Variants in IMMP2L observed in about 807,000 individuals in gnomAD.
The protein encoded by IMMP2L is mitochondrial inner membrane protease subunit 2.
IMMP2L carries 18 observed loss-of-function variants against 19.3 expected under a neutral mutation model. The observed-to-expected ratio is 0.93, with a 90% CI of 0.64 to 1.38. IMMP2L has a LOEUF of 1.38. Among genes scored for constraint, IMMP2L ranks in the 40% most tolerant of loss-of-function variants. The probability of loss-of-function intolerance (pLI) is 0.00; values close to 1 mark genes in which losing one functional copy is unlikely to be tolerated. For missense variants in IMMP2L, 233 were observed against 218.2 expected, an observed-to-expected ratio of 1.07 and a Z score of -0.43; for synonymous variants, 76 against 73.0, an observed-to-expected ratio of 1.04 and a Z score of -0.21.
At chr7:111,502,764 G>C (rs1199637600) in intron 2 of IMMP2L, among the ~76,000 whole-genome samples, 23 of 151,160 alleles carry the variant, frequency 1.5e-4, no homozygotes, top group Admixed American at 1.5e-3. Flanking sequence ...GATGTTCTTT[G>C]AAACCAACGA....
chr7:111,514,326 A>T (rs1027582507), intron 2 of IMMP2L, among the ~76,000 whole-genome samples: 13 of 151,998 alleles, frequency 8.6e-5, no homozygotes, highest in Non-Finnish European at 1.5e-5. Flanking sequence ...CAATGAGAAC[A>T]CTTGGACACA....
At chr7:111,179,264 C>T (rs1213528278) in intron 3 of IMMP2L, among the ~76,000 whole-genome samples, 1 of 152,038 alleles carries the variant, frequency 6.6e-6, no homozygotes, top group Non-Finnish European at 1.5e-5. Context: ...GTAAACCATG[C>T]TATAAACCAA....
chr7:110,687,031 C>A (rs571682025), intron 5 of IMMP2L, among the ~76,000 whole-genome samples: 60 of 152,242 alleles, frequency 3.9e-4, no homozygotes, highest in African/African-American at 1.4e-3. Context: ...ACCACATACC[C>A]TGAACAAGTT....
chr7:110,795,867 C>T (rs955669031), intron 5 of IMMP2L, among the ~76,000 whole-genome samples: 2 of 152,056 alleles, frequency 1.3e-5, no homozygotes, highest in African/African-American at 4.8e-5. Flanking sequence ...CAAAGCAATG[C>T]TTGCCTTGCA....
chr7:111,402,874 A>C (rs1270072490), intron 3 of IMMP2L, among the ~76,000 whole-genome samples: 1 of 151,534 alleles, frequency 6.6e-6, no homozygotes, highest in Non-Finnish European at 1.5e-5. Context: ...CCACGAACAC[A>C]TTATATATAT....
intron 3 of IMMP2L, among the ~76,000 whole-genome samples, chr7:111,482,930 C>G (rs1842317933): frequency 6.6e-6 from 1 of 151,988 alleles, no homozygotes; most frequent in African/African-American, 2.4e-5. Context: ...AAGGAACTGG[C>G]ATATACTGAA....
chr7:110,745,282 T>G (rs111227358), intron 5 of IMMP2L, among the ~76,000 whole-genome samples: 10,653 of 152,278 alleles, frequency 0.07, 446 homozygotes, highest in African/African-American at 0.11. Context: ...TTGATTGGTG[T>G]ACCTGAAAGT....
intron 3 of IMMP2L, among the ~76,000 whole-genome samples, chr7:111,402,531 T>C (rs1008368998): frequency 1.3e-5 from 2 of 151,892 alleles, no homozygotes; most frequent in African/African-American, 4.8e-5. Context: ...GGCAACACAG[T>C]GAAACCCCGT....
chr7:111,081,757 A>G (rs1214449435), intron 3 of IMMP2L, among the ~76,000 whole-genome samples: 1 of 152,168 alleles, frequency 6.6e-6, no homozygotes, highest in African/African-American at 2.4e-5. Flanking sequence ...GACTTTCTAT[A>G]TGGGTGTAGA....
At chr7:111,556,453 T>C (rs1015161906) in intron 1 of IMMP2L, among the ~76,000 whole-genome samples, 8 of 152,132 alleles carry the variant, frequency 5.3e-5, no homozygotes, top group African/African-American at 1.9e-4. Flanking sequence ...GTAAATACCC[T>C]GACTGAAGAA....
intron 3 of IMMP2L, among the ~76,000 whole-genome samples, chr7:111,051,088 T>C (rs1313399858): frequency 6.6e-6 from 1 of 152,214 alleles, no homozygotes; most frequent in East Asian, 1.9e-4. Flanking sequence ...CAGTGAGCTA[T>C]GAGTGCGCCA....
intron 5 of IMMP2L, among the ~76,000 whole-genome samples, chr7:110,871,322 G>A (rs1270253856): frequency 6.6e-6 from 1 of 152,010 alleles, no homozygotes; most frequent in East Asian, 1.9e-4. Context: ...TAAAAACACA[G>A]GATCAATTTT....
At chr7:111,204,377 G>C (rs1196254625) in intron 3 of IMMP2L, among the ~76,000 whole-genome samples, 1 of 151,994 alleles carries the variant, frequency 6.6e-6, no homozygotes. Context: ...ATAAAACCTA[G>C]AGCATATCAT....
intron 5 of IMMP2L, among the ~76,000 whole-genome samples, chr7:110,861,069 T>TTGTGTGTGTG (rs754363475): frequency 4.4e-4 from 57 of 129,110 alleles, no homozygotes; most frequent in African/African-American, 1.1e-3. Context: ...CACCAGCAGT[T>TTGTGTGTGTG]TGTGTGTGTG....
At chr7:111,300,417 A>G (rs1166989149) in intron 3 of IMMP2L, among the ~76,000 whole-genome samples, 1 of 152,142 alleles carries the variant, frequency 6.6e-6, no homozygotes, top group East Asian at 1.9e-4. Flanking sequence ...ATAATTGTAG[A>G]TTCACATGCA....
intron 5 of IMMP2L, among the ~76,000 whole-genome samples, chr7:110,732,678 TAGAA>T (rs1584647858): frequency 6.6e-6 from 1 of 152,328 alleles, no homozygotes; most frequent in East Asian, 1.9e-4. Context: ...ATTTTTCTGA[TAGAA>T]AGTTATTTCC....
intron 4 of IMMP2L, among the ~76,000 whole-genome samples, chr7:110,891,845 A>G (rs144119384): frequency 6.6e-6 from 1 of 152,306 alleles, no homozygotes; most frequent in African/African-American, 2.4e-5. Flanking sequence ...GGAAAATATT[A>G]GAGACATTAG....
intron 3 of IMMP2L, among the ~76,000 whole-genome samples, chr7:111,230,133 T>C (rs942323000): frequency 6.6e-6 from 1 of 152,046 alleles, no homozygotes; most frequent in African/African-American, 2.4e-5. Context: ...ACAGGGTCTT[T>C]ATTTGTTATG....
intron 3 of IMMP2L, among the ~76,000 whole-genome samples, chr7:111,045,404 C>T (rs946202763): frequency 1.3e-5 from 2 of 152,194 alleles, no homozygotes; most frequent in Admixed American, 1.3e-4. Context: ...CTGGTCTCTG[C>T]ACAATTTATT....
Sources: gnomAD v4.1 joint callset for allele counts (sites outside exome capture counted in the v4.1 genomes callset) on GRCh38, gnomAD v4.1.1 for gene constraint, MANE v1.5 for transcripts, NCBI Gene and HGNC (gene_info 2026-07-23, HGNC 2026-07-21) for gene names.